Variants in DGKB observed in about 807,000 individuals in gnomAD.
DGKB encodes diacylglycerol kinase beta, also known as 90 kDa diacylglycerol kinase.
DGKB carries 67 observed loss-of-function variants against 114.3 expected under a neutral mutation model. The observed-to-expected ratio is 0.59, with a 90% CI of 0.48 to 0.72. The LOEUF (loss-of-function observed/expected upper bound fraction) is 0.72, where lower values mean the gene tolerates loss of function less well. Ranked by LOEUF, DGKB falls within the 30% of genes least tolerant of loss-of-function variation. The probability of loss-of-function intolerance (pLI) is 0.00; values close to 1 mark genes in which losing one functional copy is unlikely to be tolerated. For synonymous variants in DGKB, 398 were observed against 323.1 expected (o/e 1.23, Z -2.49); for missense variants, 907 against 975.2 (o/e 0.93, Z 0.93).
chr7:14,786,711 T>A (rs1839949990), intron 2 of DGKB, among the ~76,000 whole-genome samples: 1 of 152,240 alleles, frequency 6.6e-6, no homozygotes, highest in African/African-American at 2.4e-5. Flanking sequence ...CCTGGCCAGA[T>A]GTGCATGCAC....
chr7:14,590,880 T>C (rs181236784), intron 17 of DGKB, among the ~76,000 whole-genome samples: 23 of 152,142 alleles, frequency 1.5e-4, no homozygotes, highest in Admixed American at 1.4e-3. Flanking sequence ...TAGGTCAGAG[T>C]GCCACTCCTC....
intron 17 of DGKB, among the ~76,000 whole-genome samples, chr7:14,593,835 A>G: frequency 6.7e-6 from 1 of 149,916 alleles, no homozygotes; most frequent in Non-Finnish European, 1.5e-5. Context: ...AAAGAAAAAA[A>G]CAACACAGGA....
intron 2 of DGKB, among the ~76,000 whole-genome samples, chr7:14,815,689 G>A (rs908038195): frequency 3.9e-5 from 6 of 152,172 alleles, no homozygotes. Context: ...GTTGGGGATA[G>A]AGAACTTCAA....
At chr7:14,560,961 G>C (rs1003298932) in intron 20 of DGKB, among the ~76,000 whole-genome samples, 1 of 152,088 alleles carries the variant, frequency 6.6e-6, no homozygotes, top group African/African-American at 2.4e-5. Context: ...TGAGCATTTA[G>C]AAATATATAC....
At chr7:14,922,284 TG>T (rs1189342218) in intron 1 of DGKB, among the ~76,000 whole-genome samples, 1 of 151,832 alleles carries the variant, frequency 6.6e-6, no homozygotes, top group East Asian at 1.9e-4. Context: ...ATTCCAGGGA[TG>T]GGGTGCCATG....
At chr7:14,235,116 G>A (rs1358207357) in intron 23 of DGKB, among the ~76,000 whole-genome samples, 1 of 151,932 alleles carries the variant, frequency 6.6e-6, no homozygotes, top group Non-Finnish European at 1.5e-5. Context: ...GTACTAACAG[G>A]GTCACCTGGT....
At chr7:14,470,937 T>A (rs548545390) in intron 21 of DGKB, among the ~76,000 whole-genome samples, 1 of 151,548 alleles carries the variant, frequency 6.6e-6, no homozygotes, top group South Asian at 2.1e-4. Flanking sequence ...ATATGGTAAG[T>A]AAAAATATTT....
intron 21 of DGKB, among the ~76,000 whole-genome samples, chr7:14,392,995 G>GTTTTTTTGTTTTTTTTTTTTTTTTT (rs1554404750): frequency 4.6e-3 from 277 of 60,554 alleles, no homozygotes; most frequent in South Asian, 0.016. Flanking sequence ...TTTTGTTTTT[G>GTTTTTTTGTTTTTTTTTTTTTTTTT]TTTTTTTTTT....
intron 23 of DGKB, among the ~76,000 whole-genome samples, chr7:14,190,476 C>A (rs1784130335): frequency 6.6e-6 from 1 of 151,770 alleles, no homozygotes; most frequent in African/African-American, 2.4e-5. Context: ...TCTCAAAGGC[C>A]TAGGATTTGT....
chr7:14,869,480 C>T lies in DGKB; in HGVS notation c.-187-28030G>A, dbSNP rs117750311. ...TTAAGAAACATTCTTTGTATTTTTA[C>T]AAAAGTGTTTAAACTCATGTGCTAT... On this transcript the variant is annotated intron_variant, in intron 1 of 25. Transcript: ENST00000402815. Among the ~76,000 whole-genome samples, 140 of 152,208 alleles carry T rather than the reference C, an allele frequency of 9.2e-4. 2 individuals carry two copies. The East Asian group carries it at 0.013, about 14-fold the overall frequency.
intron 23 of DGKB, among the ~76,000 whole-genome samples, chr7:14,207,491 G>A (rs184191275): frequency 2.0e-5 from 3 of 151,932 alleles, no homozygotes; most frequent in Admixed American, 2.0e-4. Flanking sequence ...GTGAGGTGTT[G>A]GACTCATGCA....
At chr7:14,478,727 T>A (rs1332255287) in intron 20 of DGKB, among the ~76,000 whole-genome samples, 1 of 152,036 alleles carries the variant, frequency 6.6e-6, no homozygotes, top group East Asian at 1.9e-4. Context: ...GACTTCAGAA[T>A]TTGCTCAGGT....
At chr7:14,747,779 G>GCACA (rs11276008) in intron 4 of DGKB, among the ~76,000 whole-genome samples, 14 of 148,500 alleles carry the variant, frequency 9.4e-5, no homozygotes, top group South Asian at 2.1e-4. Flanking sequence ...CCACGCGCAC[G>GCACA]CACACACACA....
chr7:14,418,264 GTA>G (rs199974849), intron 21 of DGKB, among the ~76,000 whole-genome samples: 11 of 122,564 alleles, frequency 9.0e-5, no homozygotes, highest in East Asian at 7.9e-4. Flanking sequence ...TATTATATAT[GTA>G]TATATATTTT....
chr7:14,214,103 T>C (rs17764589), intron 23 of DGKB, among the ~76,000 whole-genome samples: 9,407 of 152,160 alleles, frequency 0.062, 397 homozygotes, highest in Non-Finnish European at 0.094. Flanking sequence ...ATTTCCTAAC[T>C]GGTCTCCCCA....
At chr7:14,302,927 A>T (rs1803819716) in intron 23 of DGKB, among the ~76,000 whole-genome samples, 1 of 152,156 alleles carries the variant, frequency 6.6e-6, no homozygotes, top group Non-Finnish European at 1.5e-5. Flanking sequence ...GCCAACGAAA[A>T]TTATTTTGAG....
chr7:14,492,130 T>G (rs1048552904), intron 20 of DGKB, among the ~76,000 whole-genome samples: 5 of 152,120 alleles, frequency 3.3e-5, no homozygotes, highest in Non-Finnish European at 7.4e-5. Flanking sequence ...CTATTGTGTA[T>G]CTAGAAAAAA....
chr7:14,503,021 A>T (rs1042588183), intron 20 of DGKB, among the ~76,000 whole-genome samples: 1 of 152,042 alleles, frequency 6.6e-6, no homozygotes, highest in Non-Finnish European at 1.5e-5. Flanking sequence ...TCTTTCTTTG[A>T]CTTTCTGCCT....
At chr7:14,185,105 T>C (rs2128256905) in intron 23 of DGKB, among the ~76,000 whole-genome samples, 1 of 152,296 alleles carries the variant, frequency 6.6e-6, no homozygotes, top group Middle Eastern at 3.4e-3. Flanking sequence ...GCTGATGATA[T>C]AATCTTTTAC....
Sources: gnomAD v4.1 joint callset for allele counts (sites outside exome capture counted in the v4.1 genomes callset) on GRCh38, gnomAD v4.1.1 for gene constraint, MANE v1.5 for transcripts, NCBI Gene and HGNC (gene_info 2026-07-23, HGNC 2026-07-21) for gene names.